The following RARB variants were observed in gnomAD, a reference collection of about 807,000 sequenced individuals.
RARB encodes retinoic acid receptor beta, also known as HBV-activated protein.
A neutral mutation model predicts 51.9 loss-of-function variants in RARB; 17 were observed. The observed-to-expected ratio is 0.33, with a 90% confidence interval of 0.22 to 0.49. The LOEUF (loss-of-function observed/expected upper bound fraction) is 0.49, where lower values mean the gene tolerates loss of function less well. RARB is among the 20% of genes least tolerant of loss of function. The pLI is 0.99. For synonymous variants in RARB, 215 were observed against 195.4 expected (o/e 1.10, Z -0.84); for missense variants, 369 against 550.8 (o/e 0.67, Z 3.30).
chr3:25,430,574 A>C lies in RARB; in HGVS notation c.157+1686A>C, dbSNP rs539145465. Among the ~76,000 whole-genome samples the C allele has an allele frequency of 3.9e-5, 6 of 152,312 alleles. No individual in the cohort carries two copies. The South Asian group carries it at 1.0e-3, about 26-fold the overall frequency. ...TTCCAAAGATGCCTATTAAGTTGTA[A>C]GAGTAGGGGGAAAAGCTTTGTTTGT... On this transcript the variant is annotated intron_variant, in intron 1 of 7. Coordinates refer to ENST00000330688, the MANE Select transcript of RARB (RefSeq NM_000965.5).
In RARB at chr3:25,444,046, T is replaced by C. The variant is rs150473957; in HGVS notation, c.157+15158T>C. ...ATGATTTAAAGTTGCGATTGATTTT[T>C]ATTAAAGTAAAACAATCACTATCAT... is the stretch of plus-strand genomic sequence containing the variant. On this transcript the variant is annotated intron_variant, in intron 1 of 7. Transcript: ENST00000330688. Among the ~76,000 whole-genome samples, 192 of 152,364 alleles carry C rather than the reference T, an allele frequency of 1.3e-3. 1 individual carries two copies. Among genetic ancestry groups the C allele is most frequent in the Non-Finnish European group, 2.3e-3 (156 of 68,036 alleles).
chr3:25,025,319 C>T (rs1396517980), intron 2 of RARB, among the ~76,000 whole-genome samples: 4 of 152,122 alleles, frequency 2.6e-5, no homozygotes, highest in Non-Finnish European at 5.9e-5. Context: ...ACTTTGATAC[C>T]AACTGACTGT....
intron 5 of RARB, among the ~76,000 whole-genome samples, chr3:25,332,316 G>T (rs1264318688): frequency 6.6e-6 from 1 of 152,134 alleles, no homozygotes; most frequent in Non-Finnish European, 1.5e-5. Context: ...ACATCAAAAA[G>T]GTTATCCACC....
rs185971606 is a variant in RARB at position 25,154,785 on chromosome 3, A to C, written c.-279-19334A>C. Among the ~76,000 whole-genome samples, 853 of 152,270 alleles carry C rather than the reference A, an allele frequency of 5.6e-3. 6 individuals are homozygous for C. Among genetic ancestry groups the C allele is most frequent in the Non-Finnish European group, 8.9e-3 (607 of 68,018 alleles). The stretch of plus-strand genomic sequence containing the variant: ...CCCAGTTCAGTTGTCACCTTTCCCC[A>C]ACCAGTCCTTTGTTGGCTAGGTGTG... On this transcript the variant is annotated intron_variant, in intron 4 of 11. Coordinates refer to the RARB transcript ENST00000383772.
intron 2 of RARB, among the ~76,000 whole-genome samples, chr3:24,940,709 A>G (rs1275128056): frequency 6.6e-6 from 1 of 152,194 alleles, no homozygotes; most frequent in Non-Finnish European, 1.5e-5. Context: ...CATGGACCAT[A>G]GACTCCCATT....
intron 2 of RARB, among the ~76,000 whole-genome samples, chr3:25,001,325 T>A (rs1375791050): frequency 6.6e-6 from 1 of 152,180 alleles, no homozygotes; most frequent in East Asian, 1.9e-4. Flanking sequence ...GTGGCTCTGC[T>A]TCAAGAATGT....
chr3:25,070,913 A>G (rs867443919), intron 3 of RARB, among the ~76,000 whole-genome samples: 2 of 152,176 alleles, frequency 1.3e-5, no homozygotes, highest in Admixed American at 1.3e-4. Context: ...GGATCCAGGT[A>G]TTGGGGTATT....
At chr3:25,361,691 G>A (rs7645983) in intron 5 of RARB, among the ~76,000 whole-genome samples, 126,753 of 152,138 alleles carry the variant, frequency 0.83, 53,063 homozygotes, top group East Asian at 0.99. Flanking sequence ...GTTGATGTTG[G>A]TGCTATTGCT....
In RARB at chr3:24,951,921, A is replaced by G. The variant is rs561721452; in HGVS notation, c.-380+93169A>G. ...GCAAATTTGGATTACAGGAAACGTA[A>G]TACACCCTTGCTCTAATTATAGGAA... On this transcript the variant is annotated intron_variant, in intron 2 of 11. Transcript: ENST00000383772. 2.5e-4 allele frequency among the ~76,000 whole-genome samples: 38 copies of G among 152,294 alleles called. No individual in the cohort carries two copies. In the South Asian group the frequency reaches 7.5e-3, roughly 30 times the overall value.
intron 1 of RARB, among the ~76,000 whole-genome samples, chr3:24,852,243 A>G (rs1156993978): frequency 6.6e-6 from 1 of 152,226 alleles, no homozygotes; most frequent in African/African-American, 2.4e-5. Context: ...TGAAAGCACC[A>G]TTTCGCACAT....
At chr3:25,456,660 AATATATAT>A (rs59052323) in intron 1 of RARB, among the ~76,000 whole-genome samples, 1,549 of 96,158 alleles carry the variant, frequency 0.016, 15 homozygotes, top group African/African-American at 0.038. Flanking sequence ...GTGATATTTG[AATATATAT>A]ATATATATAT....
chr3:24,848,758 G>GT (rs1324439588), intron 1 of RARB, among the ~76,000 whole-genome samples: 6 of 152,166 alleles, frequency 3.9e-5, no homozygotes, highest in Admixed American at 3.3e-4. Flanking sequence ...ATGATTGATT[G>GT]TTTTTTACTT....
At chr3:24,860,242 C>T (rs999324088) in intron 2 of RARB, among the ~76,000 whole-genome samples, 1 of 152,162 alleles carries the variant, frequency 6.6e-6, no homozygotes, top group East Asian at 1.9e-4. Flanking sequence ...CCTGGCGCAT[C>T]TTGGGTGTTG....
At chr3:25,526,066 T>G (rs139177420) in intron 3 of RARB, among the ~76,000 whole-genome samples, 1 of 152,218 alleles carries the variant, frequency 6.6e-6, no homozygotes, top group East Asian at 1.9e-4. Context: ...TGATAGAGAA[T>G]AAGTAGGGGA....
intron 1 of RARB, among the ~76,000 whole-genome samples, chr3:25,433,424 C>T (rs574742261): frequency 5.3e-5 from 8 of 152,286 alleles, no homozygotes; most frequent in African/African-American, 1.7e-4. Flanking sequence ...GAATTCCTTT[C>T]GTAGCAAACT....
intron 5 of RARB, among the ~76,000 whole-genome samples, chr3:25,251,656 C>A (rs1026674752): frequency 2.0e-5 from 3 of 152,110 alleles, no homozygotes; most frequent in African/African-American, 7.2e-5. Flanking sequence ...ATTTGCATAT[C>A]TTCTCTTGAG....
intron 5 of RARB, among the ~76,000 whole-genome samples, chr3:25,411,963 G>A (rs1208308776): frequency 6.6e-6 from 1 of 152,176 alleles, no homozygotes; most frequent in Non-Finnish European, 1.5e-5. Flanking sequence ...AGCTGACGTT[G>A]GGGAAATGGA....
intron 5 of RARB, among the ~76,000 whole-genome samples, chr3:25,383,537 A>G (rs1022761314): frequency 2.0e-4 from 31 of 152,232 alleles, no homozygotes; most frequent in African/African-American, 6.5e-4. Flanking sequence ...CTGCTGTCCA[A>G]TATAACTTTG....
chr3:25,003,283 G>T (rs73143085), intron 2 of RARB, among the ~76,000 whole-genome samples: 7,322 of 151,970 alleles, frequency 0.048, 444 homozygotes, highest in African/African-American at 0.14. Context: ...GAACAGCCAT[G>T]CTGTTTAGGA....
Sources: allele counts gnomAD v4.1 joint callset (sites outside exome capture counted in the v4.1 genomes callset), GRCh38; gene constraint gnomAD v4.1.1; transcripts MANE v1.5; gene names NCBI Gene and HGNC (gene_info 2026-07-23, HGNC 2026-07-21).